HLCS: variants seen among roughly 807,000 people sequenced by gnomAD.
The protein encoded by HLCS is biotin--protein ligase.
A neutral mutation model predicts 75.0 loss-of-function variants in HLCS; 53 were observed. The ratio of observed to expected loss-of-function variants is 0.71; its 90% CI spans 0.57 to 0.89. The LOEUF (loss-of-function observed/expected upper bound fraction) is 0.89. Among genes scored for constraint, HLCS ranks in the 40% least tolerant of loss-of-function variants. The probability of loss-of-function intolerance (pLI) is 0.00; values close to 1 mark genes in which losing one functional copy is unlikely to be tolerated. For missense variants in HLCS, 966 were observed against 1,074.0 expected, an observed-to-expected ratio of 0.90 and a Z score of 1.41; for synonymous variants, 431 against 428.6, an observed-to-expected ratio of 1.01 and a Z score of -0.07.
chr21:36,771,478 A>C (rs892251670), intron 6 of HLCS, among the ~76,000 whole-genome samples: 1 of 152,176 alleles, frequency 6.6e-6, no homozygotes, highest in Non-Finnish European at 1.5e-5. Context: ...AAAATAATTC[A>C]GGGGCTCAAC....
intron 1 of HLCS, among the ~76,000 whole-genome samples, chr21:36,989,981 C>G (rs2069317268): frequency 6.6e-6 from 1 of 152,100 alleles, no homozygotes; most frequent in Admixed American, 6.5e-5. Context: ...AAGCCCCGCC[C>G]CCTTCTGGCA....
intron 2 of HLCS, among the ~76,000 whole-genome samples, chr21:36,939,721 C>T (rs1432795836): frequency 1.3e-5 from 2 of 152,166 alleles, no homozygotes; most frequent in South Asian, 2.1e-4. Context: ...AACACCCATG[C>T]TCTCTCTGAG....
intron 6 of HLCS, among the ~76,000 whole-genome samples, chr21:36,784,994 T>C (rs2060644281): frequency 6.6e-6 from 1 of 152,282 alleles, no homozygotes; most frequent in African/African-American, 2.4e-5. Context: ...AGGTAACGAA[T>C]TCCTTCCTAC....
chr21:36,790,249 C>A (rs772069809), intron 6 of HLCS, among the ~76,000 whole-genome samples: 2 of 152,032 alleles, frequency 1.3e-5, no homozygotes, highest in African/African-American at 4.8e-5. Context: ...ACTAAAAATA[C>A]AAAAATTAGC....
intron 6 of HLCS, among the ~76,000 whole-genome samples, chr21:36,808,689 A>G (rs1388321911): frequency 6.6e-6 from 1 of 152,188 alleles, no homozygotes; most frequent in African/African-American, 2.4e-5. Flanking sequence ...AAGAAGAAAA[A>G]AGCAGAAAGA....
rs768839370 is a variant in HLCS at position 36,930,379 on chromosome 21, T to C, written c.1492A>G (p.Asn498Asp). The stretch of plus-strand genomic sequence containing the variant: ...CTAAAATTGCTTGACTTGAGCAAGT[T>C]AAAATCTTCTGGAGTTTGCACTATG... Reference protein sequence around the residue: ...SNIVQTPEDFNLLKSSNFRRY... With the variant: ...SNIVQTPEDFDLLKSSNFRRY... Residue 498 changes from asparagine to aspartate, a missense_variant, in exon 5 of 11, where the codon AAC becomes GAC. Transcript: ENST00000674895. The C allele has an allele frequency of 1.9e-6, 3 of 1,614,182 alleles. No homozygotes were observed. Among genetic ancestry groups the C allele is most frequent in the Non-Finnish European group, 2.5e-6 (3 of 1,180,014 alleles).
At position 36,837,252 on chromosome 21, in the gene HLCS, T is replaced by C. The variant is rs1238955684; in HGVS notation, c.1892+59608A>G. On this transcript the variant is annotated intron_variant, in intron 6 of 10. Transcript: ENST00000674895. ...TCTTGGTATTGGGACCTGACCTGCT[T>C]ATTGTTCAGAAAGCTATTTATAAAA... Among the ~76,000 whole-genome samples, 3 of 152,344 alleles carry C rather than the reference T, an allele frequency of 2.0e-5. No individual in the cohort carries two copies. In the East Asian group the frequency reaches 5.8e-4, roughly 29 times the overall value.
intron 8 of HLCS, 37 bp from the exon 9 acceptor site, chr21:36,759,878 G>A (rs1262152071): frequency 1.6e-6 from 2 of 1,286,798 alleles, no homozygotes; most frequent in African/African-American, 1.5e-5. Flanking sequence ...AGCCGTCACA[G>A]GACACAAGGG....
At chr21:36,841,030 T>C (rs1458288997) in intron 6 of HLCS, among the ~76,000 whole-genome samples, 7 of 152,262 alleles carry the variant, frequency 4.6e-5, no homozygotes, top group East Asian at 1.9e-4. Context: ...TTGGGGTGGG[T>C]ATTTTATAGT....
intron 6 of HLCS, among the ~76,000 whole-genome samples, chr21:36,840,530 G>A (rs1490077644): frequency 6.6e-6 from 1 of 152,108 alleles, no homozygotes; most frequent in Non-Finnish European, 1.5e-5. Context: ...ACTAAGTAGT[G>A]ACATATCGTC....
At chr21:36,793,403 G>A (rs1053119091) in intron 6 of HLCS, among the ~76,000 whole-genome samples, 4 of 150,312 alleles carry the variant, frequency 2.7e-5, no homozygotes, top group Non-Finnish European at 5.9e-5. Flanking sequence ...CCCAGTTCAA[G>A]CAATTCTCCT....
chr21:36,803,586 G>T (rs1366001640), intron 6 of HLCS, among the ~76,000 whole-genome samples: 2 of 152,086 alleles, frequency 1.3e-5, no homozygotes, highest in Non-Finnish European at 2.9e-5. Flanking sequence ...ACAGGTTTTG[G>T]CTGTAAGAAG....
At chr21:36,930,205 A>G (rs900500686) in intron 5 of HLCS, 46 bp downstream of exon 5, 26 of 1,532,572 alleles carry the variant, frequency 1.7e-5, no homozygotes, top group Non-Finnish European at 2.4e-5. Context: ...CACTGTGAAG[A>G]GGGCCACGTC....
intron 6 of HLCS, among the ~76,000 whole-genome samples, chr21:36,790,430 A>G (rs895407304): frequency 4.6e-5 from 7 of 152,152 alleles, no homozygotes; most frequent in African/African-American, 1.7e-4. Flanking sequence ...AAACAAAAAA[A>G]CATTTTGGTG....
chr21:36,756,600 A>T lies in HLCS; in HGVS notation c.2392T>A (p.Phe798Ile). The T allele has an allele frequency of 1.2e-6, 2 of 1,613,862 alleles. No homozygotes were observed. The highest frequency in any genetic ancestry group is 2.2e-5 in the South Asian group (2 of 91,064). Reference sequence around the variant, plus strand: ...ACGCTGTTGGGCCCTTTGTCCTGAAACTCTTTGATCAGTTTCTCCAGCACA... The same window carrying T: ...ACGCTGTTGGGCCCTTTGTCCTGAATCTCTTTGATCAGTTTCTCCAGCACA... Reference protein sequence around the residue: ...VTVLEKLIKEFQDKGPNSVLP... With the variant: ...VTVLEKLIKEIQDKGPNSVLP... The change falls in exon 10 of 11, where the codon TTT (phenylalanine) becomes ATT (isoleucine). Residue 798 changes from phenylalanine (F) to isoleucine (I), a missense_variant. Coordinates refer to ENST00000674895, the MANE Select transcript of HLCS (RefSeq NM_001352514.2).
chr21:36,779,924 G>C (rs1321753928), intron 6 of HLCS, among the ~76,000 whole-genome samples: 1 of 151,806 alleles, frequency 6.6e-6, no homozygotes, highest in Middle Eastern at 3.4e-3. Context: ...CTTCTACCTA[G>C]GTCTCCCACT....
intron 4 of HLCS, among the ~76,000 whole-genome samples, chr21:36,932,944 C>CG (rs2066712511): frequency 6.6e-6 from 1 of 152,066 alleles, no homozygotes; most frequent in South Asian, 2.1e-4. Context: ...ATGGTGAAAC[C>CG]CCACTGCCAC....
intron 2 of HLCS, among the ~76,000 whole-genome samples, chr21:36,948,491 G>A (rs2146591654): frequency 6.6e-6 from 1 of 151,884 alleles, no homozygotes; most frequent in East Asian, 1.9e-4. Flanking sequence ...CACTTGGGGA[G>A]GCCGAGGCAG....
In HLCS at chr21:36,748,741, C is replaced by G. The variant is rs1337384253; in HGVS notation, c.*5505G>C. ...TGTCTGTGAACATAGGTGTGCTTCC[C>G]AAATACATTAACAAGCTCTTACTTC... is the stretch of plus-strand genomic sequence containing the variant. On this transcript the variant is annotated 3_prime_UTR_variant, in exon 11 of 11. Coordinates refer to ENST00000674895, the MANE Select transcript of HLCS (RefSeq NM_001352514.2). The G allele has an allele frequency of 6.6e-6, 1 of 152,584 alleles. No individual in the cohort carries two copies. The highest frequency in any genetic ancestry group is 1.5e-5 in the Non-Finnish European group (1 of 68,050). The allele number at this position is 152,584 out of a possible 1,614,324, so 9.5% of individuals were successfully genotyped here.
Sources: allele counts gnomAD v4.1 joint callset (sites outside exome capture counted in the v4.1 genomes callset), GRCh38; gene constraint gnomAD v4.1.1; transcripts MANE v1.5; gene names NCBI Gene and HGNC (gene_info 2026-07-23, HGNC 2026-07-21).